The following CLIP2 variants were observed in gnomAD, a reference collection of about 807,000 sequenced individuals.
The protein encoded by CLIP2 is CAP-Gly domain-containing linker protein 2.
A neutral mutation model predicts 111.7 loss-of-function variants in CLIP2; 41 were observed. The observed-to-expected ratio is 0.37, with a 90% CI of 0.29 to 0.48. The LOEUF is 0.48. CLIP2 is among the 20% of genes least tolerant of loss of function. The pLI, the probability that CLIP2 is intolerant of heterozygous loss-of-function variation, is 0.99. For missense variants in CLIP2, 1,160 were observed against 1,422.1 expected (o/e 0.82, Z 2.96); for synonymous variants, 660 against 644.2 (o/e 1.02, Z -0.37).
At chr7:74,394,249 T>A (rs1272502422) in intron 13 of CLIP2, among the ~76,000 whole-genome samples, 4 of 145,016 alleles carry the variant, frequency 2.8e-5, no homozygotes, top group African/African-American at 5.1e-5. Flanking sequence ...CTTCTTATTT[T>A]TTTTTTTTTT....
At chr7:74,388,486 A>C (rs1348509601) in intron 12 of CLIP2, among the ~76,000 whole-genome samples, 1 of 150,454 alleles carries the variant, frequency 6.6e-6, no homozygotes, top group Non-Finnish European at 1.5e-5. Flanking sequence ...GACAATAGCA[A>C]GACTCCGTCT....
At position 74,322,876 on chromosome 7, in the gene CLIP2, A is replaced by G. The variant is rs113968507; in HGVS notation, c.121+5209A>G. ...CTCCCAAGTAGCTGGGATTACAGGC[A>G]CACACCACCATGCCCAGCTGATTTT... On this transcript the variant is annotated intron_variant, in intron 2 of 16. Transcript: ENST00000223398. Among the ~76,000 whole-genome samples, 844 of 151,972 alleles carry G rather than the reference A, an allele frequency of 5.6e-3. 7 individuals carry two copies. The highest frequency in any genetic ancestry group is 0.019 in the African/African-American group (782 of 41,476).
Position 74,377,276 on chromosome 7 carries a change from C to A in CLIP2, c.2421+454C>A, listed in dbSNP as rs1334753459. Among the ~76,000 whole-genome samples, 4 of 152,206 alleles carry A rather than the reference C, an allele frequency of 2.6e-5. No individual in the cohort carries two copies. In the South Asian group the frequency reaches 6.2e-4, roughly 24 times the overall value. On this transcript the variant is annotated intron_variant, in intron 10 of 16. Transcript: ENST00000223398. ...GCTCACCTGGGGAATCAGCGGCAGCCCCCTTTCTGCCAGTCCTAATGAGAC... is the reference window on the plus strand; with the variant it reads ...GCTCACCTGGGGAATCAGCGGCAGCACCCTTTCTGCCAGTCCTAATGAGAC...
At chr7:74,363,153 C>T (rs1018191635) in intron 7 of CLIP2, among the ~76,000 whole-genome samples, 1 of 152,106 alleles carries the variant, frequency 6.6e-6, no homozygotes, top group East Asian at 1.9e-4. Flanking sequence ...TACAGGGATG[C>T]GCCACCACGC....
At position 74,389,181 on chromosome 7, in the gene CLIP2, TG is replaced by T. The variant is rs1554315351; in HGVS notation, c.2644del (p.Glu882ArgfsTer14). 6.2e-7 allele frequency: 1 copy of T among 1,613,526 alleles called. No homozygotes were observed. The highest frequency in any genetic ancestry group is 2.2e-5 in the East Asian group (1 of 44,862). On this transcript the variant is annotated frameshift_variant, in exon 13 of 17. Transcript: ENST00000223398. LOFTEE classifies it high-confidence loss of function. ...LKEKRRLEAE[L>X]ETVSRKTHDA... ...GAGAAGCGGCGCCTGGAGGCAGAGC[TG>T]GAGACCGTGTCCCGGAAGACCCATG...
chr7:74,323,501 C>T (rs1287295635), intron 2 of CLIP2, among the ~76,000 whole-genome samples: 1 of 150,650 alleles, frequency 6.6e-6, no homozygotes, highest in Non-Finnish European at 1.5e-5. Context: ...GATCTTGGCT[C>T]ACTGCAACCT....
At chr7:74,320,257 G>A (rs1788910841) in intron 2 of CLIP2, among the ~76,000 whole-genome samples, 1 of 150,440 alleles carries the variant, frequency 6.6e-6, no homozygotes. Context: ...CGGGCACAGT[G>A]ACTCAAGCCT....
intron 16 of CLIP2, among the ~76,000 whole-genome samples, chr7:74,401,900 T>C (rs1791630771): frequency 1.3e-5 from 2 of 151,052 alleles, no homozygotes; most frequent in African/African-American, 4.9e-5. Context: ...ACTCCGTCTC[T>C]ACTGAAAATA....
chr7:74,337,618 T>C (rs1789512956), intron 2 of CLIP2, among the ~76,000 whole-genome samples: 1 of 149,360 alleles, frequency 6.7e-6, no homozygotes, highest in African/African-American at 2.5e-5. Context: ...TTTTTAAAAA[T>C]GAAGTCTTTC....
chr7:74,377,129 T>TA (rs1315686680), intron 10 of CLIP2, among the ~76,000 whole-genome samples: 1 of 152,050 alleles, frequency 6.6e-6, no homozygotes, highest in African/African-American at 2.4e-5. Context: ...GATTTACCCA[T>TA]ACATGTCTTA....
Position 74,376,500 on chromosome 7 carries a change from A to G in CLIP2, c.2099A>G (p.Gln700Arg). The change falls in exon 10 of 17, where the codon CAG becomes CGG. Residue 700 changes from glutamine to arginine, a missense_variant. Physicochemically the swap from Gln to Arg is conservative, Grantham distance 43. Around this residue, in one of 5 missense-constraint regions of CLIP2, gnomAD observed 676 missense variants for 777.8 expected, o/e 0.87. Transcript: ENST00000223398. The surrounding 1 kb of genome is among the most constrained non-coding windows in gnomAD (Gnocchi z 7.1). ...GCCCAGGAGGAGCTGGCTGGGCTGCAGCGGCACTGGCGGGCCCAGCTGGAG... is the reference window on the plus strand; with the variant it reads ...GCCCAGGAGGAGCTGGCTGGGCTGCGGCGGCACTGGCGGGCCCAGCTGGAG... ...QEAQEELAGL[Q>R]RHWRAQLEVQ... is the part of the protein sequence containing the mutation. 6.2e-7 allele frequency: 1 copy of G among 1,611,584 alleles called. No homozygotes were observed. Among genetic ancestry groups the G allele is most frequent in the South Asian group, 1.1e-5 (1 of 90,948 alleles).
chr7:74,342,633 G>C (rs536026696), intron 3 of CLIP2, among the ~76,000 whole-genome samples: 4 of 152,114 alleles, frequency 2.6e-5, no homozygotes, highest in Non-Finnish European at 5.9e-5. Context: ...TGGAGCAGGG[G>C]CCGTGTGCGG....
intron 11 of CLIP2, among the ~76,000 whole-genome samples, chr7:74,384,577 T>A (rs1293005971): frequency 6.6e-6 from 1 of 150,506 alleles, no homozygotes; most frequent in South Asian, 2.1e-4. Flanking sequence ...TCCTGAGTAG[T>A]TGGGATTAAA....
At chr7:74,347,605 G>T (rs192261062) in intron 3 of CLIP2, among the ~76,000 whole-genome samples, 1 of 152,124 alleles carries the variant, frequency 6.6e-6, no homozygotes, top group Non-Finnish European at 1.5e-5. Flanking sequence ...ACCCCCACGC[G>T]GCTCCCTGAG....
chr7:74,301,443 C>T (rs568569776), intron 1 of CLIP2, among the ~76,000 whole-genome samples: 26 of 152,154 alleles, frequency 1.7e-4, no homozygotes, highest in African/African-American at 6.0e-4. Flanking sequence ...AGTGCAATAG[C>T]GTGATCTCGG....
intron 3 of CLIP2, among the ~76,000 whole-genome samples, chr7:74,350,437 G>A (rs1327498056): frequency 6.6e-6 from 1 of 151,854 alleles, no homozygotes; most frequent in Non-Finnish European, 1.5e-5. Context: ...CAAAGTCCTG[G>A]CCTCAAGTGA....
intron 14 of CLIP2, among the ~76,000 whole-genome samples, chr7:74,399,244 TAAG>T (rs1791544965): frequency 2.0e-5 from 3 of 151,934 alleles, no homozygotes; most frequent in Admixed American, 2.0e-4. Flanking sequence ...GGGGGCAGTG[TAAG>T]AAGAAGGGTG....
intron 1 of CLIP2, among the ~76,000 whole-genome samples, chr7:74,290,041 C>A (rs1271129662): frequency 1.3e-5 from 2 of 152,204 alleles, no homozygotes; most frequent in Admixed American, 1.3e-4. Context: ...GGTCCCTACC[C>A]TCGGACGGGG....
chr7:74,346,204 C>T (rs950547699), intron 3 of CLIP2, among the ~76,000 whole-genome samples: 19 of 152,090 alleles, frequency 1.2e-4, no homozygotes, highest in Middle Eastern at 6.8e-3. Flanking sequence ...TGGTCTTGAA[C>T]TCCTGGGCTC....
Sources: allele counts gnomAD v4.1 joint callset (sites outside exome capture counted in the v4.1 genomes callset), GRCh38; gene constraint gnomAD v4.1.1; regional missense constraint gnomAD v4.1.1; non-coding constraint Gnocchi (gnomAD v3.1); transcripts MANE v1.5; gene names NCBI Gene and HGNC (gene_info 2026-07-23, HGNC 2026-07-21).